Variants in TJP1 observed in about 807,000 individuals in gnomAD.
TJP1 encodes the protein tight junction protein ZO-1.
In TJP1, 43 loss-of-function variants were observed where a neutral mutation model predicts 194.2. The observed-to-expected ratio is 0.22, with a 90% CI of 0.17 to 0.29. TJP1 has a LOEUF of 0.29. Ranked by LOEUF, TJP1 falls within the 10% of genes least tolerant of loss-of-function variation. TJP1 has a pLI of 1.00. For missense variants in TJP1, 1,971 were observed against 2,185.7 expected, an observed-to-expected ratio of 0.90 and a Z score of 1.96; for synonymous variants, 801 against 779.0, an observed-to-expected ratio of 1.03 and a Z score of -0.47.
chr15:29,793,384 T>C (rs2048215327), intron 2 of TJP1, among the ~76,000 whole-genome samples: 1 of 152,250 alleles, frequency 6.6e-6, no homozygotes, highest in African/African-American at 2.4e-5. Context: ...ATTCTTTTGA[T>C]GTGATGTATC....
intron 1 of TJP1, among the ~76,000 whole-genome samples, chr15:29,814,879 A>C (rs944826758): frequency 6.6e-6 from 1 of 152,188 alleles, no homozygotes; most frequent in African/African-American, 2.4e-5. Flanking sequence ...TCTATCCCAA[A>C]GTGAGGGCCA....
At chr15:29,732,964 A>G in intron 13 of TJP1, 130 bp downstream of exon 13, 1 of 1,262,128 alleles carries the variant, frequency 7.9e-7, no homozygotes, top group Non-Finnish European at 1.1e-6. Flanking sequence ...TTGTAAACCT[A>G]AGTCAGTTAT....
chr15:29,881,330 T>C (rs552289089), intron 2 of TJP1, among the ~76,000 whole-genome samples: 114 of 152,356 alleles, frequency 7.5e-4, no homozygotes, highest in Non-Finnish European at 1.4e-3. Context: ...GAATTCGTTA[T>C]ATATTTTGGA....
chr15:29,826,690 A>G (rs1244629584), upstream of TJP1, among the ~76,000 whole-genome samples: 1 of 151,802 alleles, frequency 6.6e-6, no homozygotes, highest in Non-Finnish European at 1.5e-5. Flanking sequence ...AATGAATTCT[A>G]CCTCTGAGAA....
intron 2 of TJP1, among the ~76,000 whole-genome samples, chr15:29,927,461 T>C (rs779240681): frequency 2.0e-5 from 3 of 151,744 alleles, no homozygotes; most frequent in Admixed American, 2.0e-4. Context: ...ACAAAATCCA[T>C]AGAGACACAT....
At chr15:29,936,244 C>T (rs1338874180) in intron 2 of TJP1, among the ~76,000 whole-genome samples, 4 of 152,070 alleles carry the variant, frequency 2.6e-5, no homozygotes, top group Non-Finnish European at 5.9e-5. Flanking sequence ...AGATACTCAA[C>T]ACTCTCCCAC....
At chr15:29,810,863 A>G (rs2049446291) in intron 1 of TJP1, among the ~76,000 whole-genome samples, 1 of 152,168 alleles carries the variant, frequency 6.6e-6, no homozygotes, top group African/African-American at 2.4e-5. Flanking sequence ...TCATTCAAAT[A>G]ATGTTTTGAG....
chr15:29,940,555 C>A (rs1205831818), intron 2 of TJP1, among the ~76,000 whole-genome samples: 33 of 152,134 alleles, frequency 2.2e-4, no homozygotes. Flanking sequence ...AATTTTCTAT[C>A]TATACTTGAA....
chr15:29,875,504 G>A (rs1439390718), intron 2 of TJP1, among the ~76,000 whole-genome samples: 3 of 152,112 alleles, frequency 2.0e-5, no homozygotes, highest in South Asian at 2.1e-4. Context: ...CTAAAGATGC[G>A]GTGTTCAAAT....
intron 2 of TJP1, among the ~76,000 whole-genome samples, chr15:29,777,234 G>A (rs1460485794): frequency 6.6e-6 from 1 of 152,170 alleles, no homozygotes; most frequent in Non-Finnish European, 1.5e-5. Flanking sequence ...ATCTACGAGT[G>A]TGTGACAATG....
At chr15:29,748,825 C>T (rs1205311837) in intron 8 of TJP1, among the ~76,000 whole-genome samples, 2 of 151,986 alleles carry the variant, frequency 1.3e-5, no homozygotes, top group African/African-American at 2.4e-5. Context: ...CCTCCTACTT[C>T]GGCTTCCAAA....
chr15:29,704,933 G>A (rs2041798094), intron 26 of TJP1, among the ~76,000 whole-genome samples: 1 of 152,198 alleles, frequency 6.6e-6, no homozygotes, highest in Non-Finnish European at 1.5e-5. Flanking sequence ...ATTTGTTTAG[G>A]AAGTAAAAGC....
At chr15:29,897,306 G>A (rs1031424891) in intron 2 of TJP1, among the ~76,000 whole-genome samples, 3 of 152,216 alleles carry the variant, frequency 2.0e-5, no homozygotes, top group African/African-American at 7.2e-5. Context: ...GCTTCGATGT[G>A]GTGTTGAGCC....
intron 1 of TJP1, among the ~76,000 whole-genome samples, chr15:29,966,904 T>C (rs2056353333): frequency 1.3e-5 from 2 of 152,198 alleles, no homozygotes; most frequent in Non-Finnish European, 2.9e-5. Context: ...CTTCCTTCAC[T>C]GTAGTGACAG....
At chr15:29,747,155 C>T (rs1186834982) in intron 8 of TJP1, among the ~76,000 whole-genome samples, 5 of 152,184 alleles carry the variant, frequency 3.3e-5, no homozygotes, top group Middle Eastern at 3.4e-3. Flanking sequence ...TGTGGTGGCA[C>T]GCACCTGTAA....
At chr15:29,856,473 G>T (rs2051855437) in intron 2 of TJP1, among the ~76,000 whole-genome samples, 1 of 152,062 alleles carries the variant, frequency 6.6e-6, no homozygotes, top group Non-Finnish European at 1.5e-5. Flanking sequence ...GACTGCTAAT[G>T]GGTATGAAAG....
intron 2 of TJP1, among the ~76,000 whole-genome samples, chr15:29,936,342 GTCT>G (rs1238914518): frequency 1.5e-4 from 23 of 152,308 alleles, no homozygotes; most frequent in African/African-American, 4.8e-4. Flanking sequence ...CGTCCAGTCA[GTCT>G]TCATCATCTA....
intron 2 of TJP1, among the ~76,000 whole-genome samples, chr15:29,924,570 T>G (rs1347961135): frequency 6.6e-6 from 1 of 152,248 alleles, no homozygotes; most frequent in East Asian, 1.9e-4. Flanking sequence ...ATCCCTTTTA[T>G]GTATATTATA....
chr15:29,883,048 C>T (rs2052994752), intron 2 of TJP1, among the ~76,000 whole-genome samples: 1 of 152,138 alleles, frequency 6.6e-6, no homozygotes, highest in South Asian at 2.1e-4. Flanking sequence ...GAAAAAAATG[C>T]CTTTACTTGC....
Sources: gnomAD v4.1 joint callset for allele counts (sites outside exome capture counted in the v4.1 genomes callset) on GRCh38, gnomAD v4.1.1 for gene constraint, MANE v1.5 for transcripts, NCBI Gene and HGNC (gene_info 2026-07-23, HGNC 2026-07-21) for gene names.